Variants in ZPBP2 observed in about 807,000 individuals in gnomAD.
ZPBP2 encodes zona pellucida binding protein 2, also known as zona pellucida-binding protein 2.
A neutral mutation model predicts 37.5 loss-of-function variants in ZPBP2; 34 were observed. That is an observed-to-expected ratio of 0.91 (90% CI 0.69 to 1.21). The LOEUF (loss-of-function observed/expected upper bound fraction) is 1.21. Among genes scored for constraint, ZPBP2 ranks in the 50% most tolerant of loss-of-function variants. The pLI is 0.00. For missense variants in ZPBP2, 397 were observed against 413.5 expected, an observed-to-expected ratio of 0.96 and a Z score of 0.35; for synonymous variants, 143 against 138.4, an observed-to-expected ratio of 1.03 and a Z score of -0.23.
intron 6 of ZPBP2, among the ~76,000 whole-genome samples, chr17:39,873,681 A>C (rs932731814): frequency 6.6e-6 from 1 of 152,162 alleles, no homozygotes; most frequent in Non-Finnish European, 1.5e-5. Flanking sequence ...CCAAATGATG[A>C]TTAAATAGTG....
At chr17:39,871,822 A>G (rs556938318) in intron 4 of ZPBP2, among the ~76,000 whole-genome samples, 197 bp downstream of exon 4, 4 of 152,270 alleles carry the variant, frequency 2.6e-5, no homozygotes, top group Admixed American at 1.3e-4. Context: ...ATCTTCTTTC[A>G]GCTCCCTACT....
rs546715349 is a variant in ZPBP2 at position 39,870,702 on chromosome 17, T to C, written c.127T>C (p.Tyr43His). 7.4e-5 allele frequency: 105 copies of C among 1,423,438 alleles called. 1 individual carries two copies. The South Asian group carries it at 1.6e-3, about 21-fold the overall frequency. The allele number at this position is 1,423,438 out of a possible 1,614,324, so 88.2% of individuals were successfully genotyped here. ...YGKTGQPDKI[Y>H]VELHQNSPVL... ...ATTTTATTTCATCACAGACAAAATA[T>C]ATGTAGAGTTACATCAAAATAGTCC... The change falls in exon 3 of 8, where the codon TAT becomes CAT. Residue 43 changes from tyrosine (Y) to histidine (H), a missense_variant. Transcript: ENST00000348931.
chr17:39,875,613 T>G (rs929133216), intron 7 of ZPBP2, among the ~76,000 whole-genome samples, 179 bp downstream of exon 7: 9 of 151,958 alleles, frequency 5.9e-5, no homozygotes, highest in African/African-American at 1.9e-4. Flanking sequence ...TTTTTGTTTT[T>G]TTTGAGATAG....
rs201729555 is a variant in ZPBP2 at position 39,876,804 on chromosome 17, G to A, written c.1012G>A (p.Asp338Asn). ...TTCAAACAAAAATCAGCAATATGAAGATTAGAGGTGAAAGCATTGTTACTT... is the reference window on the plus strand; with the variant it reads ...TTCAAACAAAAATCAGCAATATGAAAATTAGAGGTGAAAGCATTGTTACTT... The part of the protein sequence containing the change: ...QTSNKNQQYE[D>N] The change falls in exon 8 of 8, where the codon GAT (aspartate) becomes AAT (asparagine). Residue 338 changes from aspartate (D) to asparagine (N), a missense_variant. By Grantham distance (23) the Asp-to-Asn change is conservative. Transcript: ENST00000348931. 80 of 1,613,458 alleles carry A rather than the reference G, an allele frequency of 5.0e-5. No individual in the cohort carries two copies. Among genetic ancestry groups the A allele is most frequent in the Middle Eastern group, 5.0e-4 (3 of 6,056 alleles).
Position 39,875,382 on chromosome 17 carries a change from A to T in ZPBP2, c.837A>T (p.Arg279=), listed in dbSNP as rs1213746530. The T allele has an allele frequency of 1.2e-6, 2 of 1,613,742 alleles. No homozygotes were observed. The highest frequency in any genetic ancestry group is 1.7e-5 in the Admixed American group (1 of 59,938). ...SLQVVRLDSC[R]PGFGKNERLH... ...AAGTAGTACGTCTGGATAGCTGTCG[A>T]CCAGGCTTTGGAAAAAATGAACGTC... The change falls in exon 7 of 8, where the codon CGA becomes CGT. Residue 279 remains arginine (R), a synonymous_variant. Transcript: ENST00000348931.
chr17:39,873,439 A>G (rs1322253152), intron 6 of ZPBP2, among the ~76,000 whole-genome samples: 1 of 152,218 alleles, frequency 6.6e-6, no homozygotes, highest in Non-Finnish European at 1.5e-5. Flanking sequence ...AATATAAAGT[A>G]TTAATAATAT....
Position 39,871,533 on chromosome 17 carries a change from G to C in ZPBP2, c.314G>C (p.Gly105Ala). Residue 105 changes from glycine to alanine, a missense_variant, in exon 4 of 8, where the codon GGA becomes GCA. Transcript: ENST00000348931. ...MVKDFLEPLSGLYTCTLSYKT... is the reference protein window; with the variant it reads ...MVKDFLEPLSALYTCTLSYKT... ...AAAGATTTTTTGGAGCCTTTGTCTG[G>C]ACTTTACACATGTACTCTTTCTTAT... 1.2e-6 allele frequency: 2 copies of C among 1,609,468 alleles called. No homozygotes were observed. The highest frequency in any genetic ancestry group is 1.7e-6 in the Non-Finnish European group (2 of 1,177,978).
Position 39,875,555 on chromosome 17 carries a change from T to C in ZPBP2, c.889+121T>C, listed in dbSNP as rs985860438. 16 of 769,232 alleles carry C rather than the reference T, an allele frequency of 2.1e-5. No individual in the cohort carries two copies. The African/African-American group carries it at 2.5e-4, about 12-fold the overall frequency. 47.7% of individuals were successfully genotyped at this position (769,232 alleles called of 1,614,324 possible). ...TGATTCTCTTACCAAAAAATATATA[T>C]ATATTTAGCTAAAAGGAAGTAAAAA... On this transcript the variant is annotated intron_variant, in intron 7 of 7. Transcript: ENST00000348931.
intron 6 of ZPBP2, 55 bp downstream of exon 6, chr17:39,873,181 G>T (rs2063373523): frequency 5.8e-6 from 9 of 1,552,976 alleles, no homozygotes; most frequent in Non-Finnish European, 7.9e-6. Flanking sequence ...TTTAGAGACA[G>T]GGTGTCACCC....
Position 39,876,987 on chromosome 17 carries a change from C to A in ZPBP2, c.*178C>A. 1.6e-6 allele frequency: 1 copy of A among 635,884 alleles called. No homozygotes were observed. 39.4% of individuals were successfully genotyped at this position (635,884 alleles called of 1,614,324 possible). ...TGGCATTTCTAAGAAGGCATTTAAT[C>A]CAGTATCTCTAGTGTACAAAGGAAA... On this transcript the variant is annotated 3_prime_UTR_variant, in exon 8 of 8. Coordinates refer to ENST00000348931, the MANE Select transcript of ZPBP2 (RefSeq NM_199321.3).
Position 39,870,789 on chromosome 17 carries a change from T to G in ZPBP2, c.214T>G (p.Trp72Gly), listed in dbSNP as rs751533688. The change falls in exon 3 of 8, where the codon TGG becomes GGG. Residue 72 changes from tryptophan (W) to glycine (G), a missense_variant. Transcript: ENST00000348931. Reference sequence around the variant, plus strand: ...AGAAATAGTGGACCCCACCTACTTATGGATTGGGCCTAATGAAAAGACGTT... The same window carrying G: ...AGAAATAGTGGACCCCACCTACTTAGGGATTGGGCCTAATGAAAAGACGTT... ...KKEIVDPTYL[W>G]IGPNEKTLTG... 8.3e-6 allele frequency: 13 copies of G among 1,567,464 alleles called. No individual in the cohort carries two copies. The highest frequency in any genetic ancestry group is 1.1e-5 in the Non-Finnish European group (13 of 1,150,204).
At chr17:39,870,139 G>A (rs1309523559) in intron 2 of ZPBP2, among the ~76,000 whole-genome samples, 2 of 152,048 alleles carry the variant, frequency 1.3e-5, no homozygotes, top group Admixed American at 6.6e-5. Context: ...TGCCTCCCGG[G>A]TTCAAGCAAG....
chr17:39,874,775 G>A (rs909331839), intron 6 of ZPBP2, among the ~76,000 whole-genome samples: 3 of 151,022 alleles, frequency 2.0e-5, no homozygotes, highest in Non-Finnish European at 4.4e-5. Flanking sequence ...TTTCTGAGAC[G>A]GGGTCTCGCT....
At position 39,868,372 on chromosome 17, in the gene ZPBP2, C is replaced by CTTA; in HGVS notation, c.18_19insTTA (p.Leu8dup). 3 of 1,610,264 alleles carry CTTA rather than the reference C, an allele frequency of 1.9e-6. No homozygotes were observed. The highest frequency in any genetic ancestry group is 2.5e-6 in the Non-Finnish European group (3 of 1,179,984). ...CCTGAGCGATGATGCGAACGTGCGT[C>CTTA]CTACTCTCCGCGGTGCTCTGGTGCC... is the stretch of plus-strand genomic sequence containing the variant. On this transcript the variant is annotated inframe_insertion, in exon 1 of 8. Coordinates refer to ENST00000348931, the MANE Select transcript of ZPBP2 (RefSeq NM_199321.3).
chr17:39,872,299 A>ATGGC lies in ZPBP2; in HGVS notation c.439_442dup (p.Val148GlyfsTer15). On this transcript the variant is annotated frameshift_variant, in exon 5 of 8. Coordinates refer to ENST00000348931, the MANE Select transcript of ZPBP2 (RefSeq NM_199321.3). LOFTEE classifies it high-confidence loss of function. ...TCGGGAACCTGATTATTCATATCAG[A>ATGGC]TGGCTGTACGTTTTACCACAAGGTC... 1 of 1,607,752 alleles carries ATGGC rather than the reference A, an allele frequency of 6.2e-7. No individual in the cohort carries two copies. Among genetic ancestry groups the ATGGC allele is most frequent in the Non-Finnish European group, 8.5e-7 (1 of 1,177,588 alleles).
intron 3 of ZPBP2, among the ~76,000 whole-genome samples, chr17:39,871,134 GC>G (rs2038814647): frequency 6.6e-6 from 1 of 152,078 alleles, no homozygotes; most frequent in Non-Finnish European, 1.5e-5. Context: ...ATGTTAGAGT[GC>G]CTTGGAACAT....
At chr17:39,873,952 T>A (rs11870965) in intron 6 of ZPBP2, among the ~76,000 whole-genome samples, 59,990 of 151,130 alleles carry the variant, frequency 0.4, 12,495 homozygotes, top group Non-Finnish European at 0.45. Context: ...ATTTACATCA[T>A]CGGTTTATAA....
At position 39,876,227 on chromosome 17, in the gene ZPBP2, A is replaced by G. The variant is rs533857462; in HGVS notation, c.890-455A>G. On this transcript the variant is annotated intron_variant, in intron 7 of 7. Transcript: ENST00000348931. ...AGCCACTGCGCCCAGCCAAAGCCCA[A>G]ATTTCTAAATATAGTTATTTTAATG... is the stretch of plus-strand genomic sequence containing the variant. Among the ~76,000 whole-genome samples, 5 of 151,980 alleles carry G rather than the reference A, an allele frequency of 3.3e-5. No individual in the cohort carries two copies. In the South Asian group the frequency reaches 1.0e-3, roughly 32 times the overall value.
At chr17:39,875,516 T>A in intron 7 of ZPBP2, 82 bp downstream of exon 7, 1 of 1,047,380 alleles carries the variant, frequency 9.5e-7, no homozygotes, top group Non-Finnish European at 1.3e-6. Context: ...CATAACTGAA[T>A]AGAATCTTTA....
Sources: gnomAD v4.1 joint callset for allele counts (sites outside exome capture counted in the v4.1 genomes callset) on GRCh38, gnomAD v4.1.1 for gene constraint, MANE v1.5 for transcripts, NCBI Gene and HGNC (gene_info 2026-07-23, HGNC 2026-07-21) for gene names.